The following NTRK3 variants were observed in gnomAD, a reference collection of about 807,000 sequenced individuals.
NTRK3 encodes the protein neurotrophic receptor tyrosine kinase 3, also known as NT-3 growth factor receptor.
In NTRK3, 24 loss-of-function variants were observed where a neutral mutation model predicts 91.7. The observed-to-expected ratio is 0.26, with a 90% CI of 0.19 to 0.37. The LOEUF (loss-of-function observed/expected upper bound fraction) is 0.37, where lower values mean the gene tolerates loss of function less well. Among genes scored for constraint, NTRK3 ranks in the 10% least tolerant of loss-of-function variants. NTRK3 has a pLI of 1.00. For missense variants in NTRK3, 880 were observed against 1,068.9 expected (o/e 0.82, Z 2.46); for synonymous variants, 483 against 404.0 (o/e 1.20, Z -2.34).
At chr15:88,068,966 C>T (rs1260347521) in intron 13 of NTRK3, among the ~76,000 whole-genome samples, 3 of 151,990 alleles carry the variant, frequency 2.0e-5, no homozygotes, top group Non-Finnish European at 4.4e-5. Flanking sequence ...GAGGTAGGTA[C>T]GTCTGGATTG....
At chr15:88,162,072 T>C (rs566128464) in intron 5 of NTRK3, among the ~76,000 whole-genome samples, 4 of 152,318 alleles carry the variant, frequency 2.6e-5, no homozygotes, top group African/African-American at 9.6e-5. Flanking sequence ...CAGCAATGCC[T>C]GGGACTAAGA....
At chr15:88,136,493 C>G (rs1567499884) in exon 8 of NTRK3, 2 of 1,614,164 alleles carry the variant, frequency 1.2e-6, no homozygotes, top group Non-Finnish European at 1.7e-6. Context: ...GACTGCAGCC[C>G]AGTGACTATC....
intron 5 of NTRK3, among the ~76,000 whole-genome samples, chr15:88,178,117 G>T (rs897519334): frequency 1.4e-4 from 21 of 152,226 alleles, no homozygotes; most frequent in Admixed American, 1.0e-3. Flanking sequence ...TGGAGAAGCA[G>T]TGAGGGAGAC....
chr15:87,932,016 C>T (rs16941044), intron 16 of NTRK3, among the ~76,000 whole-genome samples: 1 of 152,210 alleles, frequency 6.6e-6, no homozygotes, highest in African/African-American at 2.4e-5. Flanking sequence ...GTTCCAAAGA[C>T]CTTCACATGG....
chr15:87,945,803 G>GAAAA (rs34162356), intron 14 of NTRK3, among the ~76,000 whole-genome samples: 34 of 106,764 alleles, frequency 3.2e-4, no homozygotes, highest in Admixed American at 5.3e-4. Flanking sequence ...TGAAGACTGG[G>GAAAA]AAAAAAAAAA....
intron 3 of NTRK3, among the ~76,000 whole-genome samples, chr15:88,197,094 C>CAAAAAAAAAAAAAA (rs59553739): frequency 1.8e-5 from 1 of 56,584 alleles, no homozygotes; most frequent in Non-Finnish European, 3.6e-5. Flanking sequence ...TTGAGCAGGA[C>CAAAAAAAAAAAAAA]AAAAAAAAAA....
intron 3 of NTRK3, among the ~76,000 whole-genome samples, chr15:88,212,151 G>A (rs1367651876): frequency 1.3e-5 from 2 of 152,084 alleles, no homozygotes; most frequent in African/African-American, 2.4e-5. Context: ...GGCACATCAC[G>A]AGGTCAGGAG....
At chr15:88,010,733 A>T (rs2076818956) in intron 14 of NTRK3, among the ~76,000 whole-genome samples, 1 of 149,162 alleles carries the variant, frequency 6.7e-6, no homozygotes, top group South Asian at 2.1e-4. Flanking sequence ...GCACTGCTGG[A>T]ATTTACACAC....
chr15:87,939,768 A>G (rs1596326374), intron 15 of NTRK3, among the ~76,000 whole-genome samples: 1 of 152,194 alleles, frequency 6.6e-6, no homozygotes, highest in Non-Finnish European at 1.5e-5. Context: ...GACTCCAGAG[A>G]AGGGCTCCAG....
intron 5 of NTRK3, among the ~76,000 whole-genome samples, chr15:88,164,575 T>C (rs141319805): frequency 1.6e-4 from 24 of 152,216 alleles, no homozygotes; most frequent in African/African-American, 3.1e-4. Context: ...ATTACCCCCA[T>C]TGTCCCTCTC....
intron 13 of NTRK3, among the ~76,000 whole-genome samples, chr15:88,079,195 T>G (rs957786210): frequency 6.6e-6 from 1 of 152,150 alleles, no homozygotes; most frequent in African/African-American, 2.4e-5. Flanking sequence ...GTTAGACTCG[T>G]GACACAGTTT....
At chr15:88,137,212 G>T (rs181270127) in intron 7 of NTRK3, among the ~76,000 whole-genome samples, 192 bp downstream of exon 7, 11 of 152,204 alleles carry the variant, frequency 7.2e-5, no homozygotes, top group African/African-American at 2.2e-4. Context: ...CCTATGGCTC[G>T]TGCACAAAGG....
chr15:87,864,695 G>A (rs963701689), exon 19 of NTRK3: 3 of 229,096 alleles, frequency 1.3e-5, no homozygotes, highest in Non-Finnish European at 2.6e-5. Flanking sequence ...TCCATGGCTA[G>A]ATACTCAAAG....
At chr15:88,043,653 G>C (rs2079867957) in intron 13 of NTRK3, among the ~76,000 whole-genome samples, 1 of 152,174 alleles carries the variant, frequency 6.6e-6, no homozygotes, top group Non-Finnish European at 1.5e-5. Flanking sequence ...AAGCCCAAAT[G>C]CCTCTGACTT....
intron 5 of NTRK3, among the ~76,000 whole-genome samples, chr15:88,162,897 G>A (rs1056059217): frequency 6.6e-6 from 1 of 152,136 alleles, no homozygotes; most frequent in African/African-American, 2.4e-5. Context: ...TTCTAGGTCT[G>A]TACATGAGCA....
intron 3 of NTRK3, among the ~76,000 whole-genome samples, chr15:88,224,269 T>C (rs894732551): frequency 1.3e-5 from 2 of 152,140 alleles, no homozygotes; most frequent in African/African-American, 4.8e-5. Flanking sequence ...ACTCAGAACC[T>C]AGATCTGAAA....
intron 14 of NTRK3, among the ~76,000 whole-genome samples, chr15:87,994,344 G>A (rs797002156): frequency 2.6e-5 from 4 of 152,280 alleles, no homozygotes; most frequent in East Asian, 3.9e-4. Context: ...AAGTCACTAG[G>A]ATGGGCCCTA....
At chr15:88,125,062 C>T (rs2151094736) in intron 13 of NTRK3, among the ~76,000 whole-genome samples, 1 of 152,338 alleles carries the variant, frequency 6.6e-6, no homozygotes, top group Non-Finnish European at 1.5e-5. Flanking sequence ...TCACTGCAGC[C>T]TTGACCTCCT....
intron 12 of NTRK3, among the ~76,000 whole-genome samples, chr15:88,126,847 T>C (rs1483610519): frequency 6.6e-6 from 1 of 152,158 alleles, no homozygotes; most frequent in Non-Finnish European, 1.5e-5. Flanking sequence ...CCCAAGGAGA[T>C]GCCTTGAGCA....
Sources: allele counts gnomAD v4.1 joint callset (sites outside exome capture counted in the v4.1 genomes callset), GRCh38; gene constraint gnomAD v4.1.1; transcripts MANE v1.5; gene names NCBI Gene and HGNC (gene_info 2026-07-23, HGNC 2026-07-21).